The following DLEC1 variants were observed in gnomAD, a reference collection of about 807,000 sequenced individuals.
DLEC1 encodes the protein DLEC1 cilia and flagella associated protein, also known as deleted in lung and esophageal cancer protein 1.
Under a neutral mutation model 198.1 loss-of-function variants are expected in DLEC1, and 146 were observed. The ratio of observed to expected loss-of-function variants is 0.74; its 90% CI spans 0.64 to 0.85. DLEC1 has a LOEUF of 0.85. DLEC1 is among the 40% of genes least tolerant of loss of function. The probability of loss-of-function intolerance (pLI) is 0.00; values close to 1 mark genes in which losing one functional copy is unlikely to be tolerated. For synonymous variants in DLEC1, 897 were observed against 866.8 expected, an observed-to-expected ratio of 1.03 and a Z score of -0.61; for missense variants, 2,233 against 2,220.0, an observed-to-expected ratio of 1.01 and a Z score of -0.12.
Position 38,084,342 on chromosome 3 carries a change from ATAG to A in DLEC1, c.1261+105_1261+107del, listed in dbSNP as rs1202248013. 52 of 800,154 alleles carry A rather than the reference ATAG, an allele frequency of 6.5e-5. 2 individuals carry two copies. The highest frequency in any genetic ancestry group is 2.9e-4 in the Middle Eastern group (1 of 3,450). The allele number at this position is 800,154 out of a possible 1,614,324, so 49.6% of individuals were successfully genotyped here. ...AGTGGTGGTAGTAATGGTAGCAATG[ATAG>A]TAGTAGTGGTGGTGGTAGTAGTAGT... is the stretch of plus-strand genomic sequence containing the variant. On this transcript the variant is annotated intron_variant, in intron 7 of 36. Coordinates refer to ENST00000308059, the MANE Select transcript of DLEC1 (RefSeq NM_007335.4).
At chr3:38,072,456 T>C (rs1251029740) in intron 6 of DLEC1, among the ~76,000 whole-genome samples, 1 of 152,074 alleles carries the variant, frequency 6.6e-6, no homozygotes, top group African/African-American at 2.4e-5. Flanking sequence ...TCCTGGTCCT[T>C]GTGTAAGAAT....
chr3:38,101,109 T>C (rs1699283430), intron 19 of DLEC1, among the ~76,000 whole-genome samples: 1 of 152,182 alleles, frequency 6.6e-6, no homozygotes, highest in Admixed American at 6.5e-5. Flanking sequence ...TACTGTTTCA[T>C]CCATATCCCC....
chr3:38,061,272 A>G (rs34774476), intron 3 of DLEC1, among the ~76,000 whole-genome samples: 1 of 152,116 alleles, frequency 6.6e-6, no homozygotes, highest in East Asian at 1.9e-4. Context: ...TCCTGGGTTC[A>G]AGCGTTTCTC....
intron 33 of DLEC1, among the ~76,000 whole-genome samples, chr3:38,119,610 G>A (rs960645358): frequency 6.6e-6 from 1 of 151,932 alleles, no homozygotes. Flanking sequence ...CGTGATCATG[G>A]TTCACTGAAG....
chr3:38,085,509 G>T, intron 8 of DLEC1, 62 bp downstream of exon 8: 1 of 1,580,048 alleles, frequency 6.3e-7, no homozygotes, highest in South Asian at 1.1e-5. Flanking sequence ...CATAAGGACT[G>T]CCTGCCTCTC....
chr3:38,040,723 C>T (rs1375684758), intron 1 of DLEC1, among the ~76,000 whole-genome samples: 2 of 152,226 alleles, frequency 1.3e-5, no homozygotes, highest in Non-Finnish European at 2.9e-5. Flanking sequence ...AACCCCATGA[C>T]CAGTCACCCA....
At chr3:38,114,950 T>C (rs573890913) in intron 26 of DLEC1, 33 bp from the exon 27 acceptor site, 2 of 1,604,264 alleles carry the variant, frequency 1.2e-6, no homozygotes, top group East Asian at 2.2e-5. Context: ...ACGCTGGCTG[T>C]GGCTGTACTG....
intron 8 of DLEC1, among the ~76,000 whole-genome samples, chr3:38,085,840 T>TA (rs1045893372): frequency 5.3e-5 from 8 of 152,130 alleles, no homozygotes; most frequent in African/African-American, 1.9e-4. Flanking sequence ...TAGGAGTCCT[T>TA]AGCAAAGCTG....
rs768094809 is a variant in DLEC1, at chr3:38,118,036, A to G, written c.4704+12A>G. 8.2e-6 allele frequency: 13 copies of G among 1,581,752 alleles called. No individual in the cohort carries two copies. In the South Asian group the frequency reaches 1.5e-4, roughly 18 times the overall value. On this transcript the variant is annotated intron_variant, in intron 33 of 36. Transcript: ENST00000308059. The stretch of plus-strand genomic sequence containing the variant: ...AGGAGAACATGCTGGTCAGTGGGGG[A>G]GTCTGCAGCCCTTGCCTCGATGGCA...
At chr3:38,097,350 G>A (rs919707947) in intron 16 of DLEC1, 75 bp downstream of exon 16, 6 of 1,537,974 alleles carry the variant, frequency 3.9e-6, no homozygotes, top group Admixed American at 2.0e-5. Flanking sequence ...AGTTAAAGGG[G>A]CTTATGCAGG....
intron 6 of DLEC1, among the ~76,000 whole-genome samples, chr3:38,075,696 G>A (rs1336788802): frequency 5.9e-5 from 9 of 151,900 alleles, no homozygotes; most frequent in East Asian, 5.8e-4. Context: ...ATAAGAGGTC[G>A]GGGCACAGAA....
At chr3:38,056,270 AAC>A (rs1037111361) in intron 2 of DLEC1, among the ~76,000 whole-genome samples, 7 of 152,144 alleles carry the variant, frequency 4.6e-5, no homozygotes, top group African/African-American at 1.2e-4. Context: ...CTCAAAAAAA[AAC>A]AATACTGTAG....
At chr3:38,050,108 ACC>A (rs1012233855) in intron 2 of DLEC1, among the ~76,000 whole-genome samples, 3 of 151,574 alleles carry the variant, frequency 2.0e-5, no homozygotes, top group Admixed American at 6.6e-5. Context: ...TCGCTTCATC[ACC>A]CAGGCTGGAG....
At chr3:38,074,919 C>A (rs1226859375) in intron 6 of DLEC1, among the ~76,000 whole-genome samples, 1 of 152,176 alleles carries the variant, frequency 6.6e-6, no homozygotes, top group Non-Finnish European at 1.5e-5. Flanking sequence ...CTGACTATGC[C>A]TTTAGCTCCA....
At position 38,088,325 on chromosome 3, in the gene DLEC1, A is replaced by G; in HGVS notation, c.1602A>G (p.Gln534=). 1 of 1,613,630 alleles carries G rather than the reference A, an allele frequency of 6.2e-7. No homozygotes were observed. Among genetic ancestry groups the G allele is most frequent in the African/African-American group, 1.3e-5 (1 of 74,878 alleles). The part of the protein sequence containing the change: ...KAIATVGFVE[Q]PPFGILPSVF... ...TTGCAACCGTCGGCTTTGTTGAACA[A>G]CCTCCTTTTGGAATCCTGCCTTCGG... The change falls in exon 10 of 37, where the codon CAA becomes CAG. Residue 534 remains glutamine, a synonymous_variant. Transcript: ENST00000308059.
intron 2 of DLEC1, chr3:38,052,236 C>T (rs1418543721): frequency 4.2e-6 from 2 of 474,232 alleles, no homozygotes; most frequent in African/African-American, 4.0e-5. Context: ...GTGGGCAGTA[C>T]CTGATGACCA....
Position 38,111,695 on chromosome 3 carries a change from C to A in DLEC1, c.3462C>A (p.Ala1154=), listed in dbSNP as rs777956993. 12 of 1,613,406 alleles carry A rather than the reference C, an allele frequency of 7.4e-6. No individual in the cohort carries two copies. The highest frequency in any genetic ancestry group is 2.5e-6 in the Non-Finnish European group (3 of 1,179,702). The change falls in exon 24 of 37, where the codon GCC becomes GCA. Residue 1154 remains alanine (A), a synonymous_variant. Coordinates refer to ENST00000308059, the MANE Select transcript of DLEC1 (RefSeq NM_007335.4). ...TGTAAAGTCCCAACATGCCTCCTGCCCTGCTAAAGACAGTGCGGATGCAAG... is the reference window on the plus strand; with the variant it reads ...TGTAAAGTCCCAACATGCCTCCTGCACTGCTAAAGACAGTGCGGATGCAAG... ...KKTSLPNMPP[A]LLKTVRMQEH...
Position 38,085,449 on chromosome 3 carries a change from T to A in DLEC1, c.1435+2T>A, listed in dbSNP as rs1698403241. ...GGAGGCCGCCCCCCGTGCTGACATG[T>A]GAGTGTGCACCGTAGCTTCCCACAG... On this transcript the variant is annotated splice_donor_variant, in intron 8 of 36. Coordinates refer to ENST00000308059, the MANE Select transcript of DLEC1 (RefSeq NM_007335.4). LOFTEE classifies it high-confidence loss of function. The A allele has an allele frequency of 6.2e-7, 1 of 1,613,602 alleles. No individual in the cohort carries two copies. The highest frequency in any genetic ancestry group is 8.5e-7 in the Non-Finnish European group (1 of 1,179,926).
At chr3:38,059,395 AG>A (rs1696559590) in intron 2 of DLEC1, among the ~76,000 whole-genome samples, 1 of 152,274 alleles carries the variant, frequency 6.6e-6, no homozygotes, top group African/African-American at 2.4e-5. Context: ...TGTCTCTAGT[AG>A]CAGGCACTGC....
Sources: allele counts gnomAD v4.1 joint callset (sites outside exome capture counted in the v4.1 genomes callset), GRCh38; gene constraint gnomAD v4.1.1; transcripts MANE v1.5; gene names NCBI Gene and HGNC (gene_info 2026-07-23, HGNC 2026-07-21).